Variants in LRP11 observed in about 807,000 individuals in gnomAD.
LRP11 encodes LDL receptor related protein 11.
Under a neutral mutation model 43.1 loss-of-function variants are expected in LRP11, and 25 were observed. The ratio of observed to expected loss-of-function variants is 0.58; its 90% CI spans 0.42 to 0.81. LRP11 has a LOEUF of 0.81. Among genes scored for constraint, LRP11 ranks in the 30% least tolerant of loss-of-function variants. The pLI, the probability that LRP11 is intolerant of heterozygous loss-of-function variation, is 0.00. For missense variants in LRP11, 623 were observed against 665.1 expected (o/e 0.94, Z 0.70); for synonymous variants, 316 against 299.4 (o/e 1.06, Z -0.57).
Position 149,864,199 on chromosome 6 carries a change from G to A in LRP11, c.-179C>T. 1 of 1,120,890 alleles carries A rather than the reference G, an allele frequency of 8.9e-7. No individual in the cohort carries two copies. The highest frequency in any genetic ancestry group is 1.1e-6 in the Non-Finnish European group (1 of 918,380). The allele number at this position is 1,120,890 out of a possible 1,614,324, so 69.4% of individuals were successfully genotyped here. A position where few individuals can be genotyped will look rare whatever the true frequency, so the allele number is the denominator to read the frequency against. On this transcript the variant is annotated 5_prime_UTR_variant, in exon 1 of 7. Transcript: ENST00000239367. ...CCCCCGAGGTCGCGGGCGCCGGCGG[G>A]AACCGCAGTAGCGGGAGACATAGCC...
chr6:149,823,333 AGG>A (rs1371666927), intron 6 of LRP11, among the ~76,000 whole-genome samples: 2 of 152,218 alleles, frequency 1.3e-5, no homozygotes, highest in Non-Finnish European at 2.9e-5. Context: ...GATCACAGTC[AGG>A]AGAATGAGCC....
At chr6:149,859,397 T>TATATA (rs1491456220) in intron 1 of LRP11, among the ~76,000 whole-genome samples, 14 of 72,992 alleles carry the variant, frequency 1.9e-4, no homozygotes, top group African/African-American at 6.5e-4. Context: ...TATATATATA[T>TATATA]TTTTTTTTTT....
At chr6:149,830,258 G>A (rs1000023965) in intron 5 of LRP11, among the ~76,000 whole-genome samples, 3 of 152,100 alleles carry the variant, frequency 2.0e-5, no homozygotes, top group African/African-American at 7.2e-5. Context: ...TGATCCACCC[G>A]CCGTGGCCTC....
At chr6:149,826,972 TA>T (rs1442613991) in intron 5 of LRP11, among the ~76,000 whole-genome samples, 1 of 120,414 alleles carries the variant, frequency 8.3e-6, no homozygotes, top group Non-Finnish European at 1.6e-5. Flanking sequence ...ATTATTTATT[TA>T]CTTTTTTTTT....
At chr6:149,820,830 A>G (rs564334652) in intron 6 of LRP11, 127 bp from the exon 7 acceptor site, 74 of 576,856 alleles carry the variant, frequency 1.3e-4, no homozygotes, top group Non-Finnish European at 5.9e-5. Context: ...TATTAGTATT[A>G]TCACTATTTT....
At chr6:149,842,916 G>A in intron 3 of LRP11, 67 bp downstream of exon 3, 3 of 1,584,928 alleles carry the variant, frequency 1.9e-6, no homozygotes, top group Admixed American at 1.7e-5. Flanking sequence ...AGAGCCAGAG[G>A]ACAAAGCGCC....
chr6:149,828,956 C>T (rs1776374192), intron 5 of LRP11, among the ~76,000 whole-genome samples: 1 of 152,032 alleles, frequency 6.6e-6, no homozygotes, highest in Admixed American at 6.6e-5. Context: ...ATGCCAGTTG[C>T]TCGTGGATCT....
At chr6:149,832,191 C>CTTTTTTT (rs5880854) in intron 5 of LRP11, among the ~76,000 whole-genome samples, 1,674 of 130,066 alleles carry the variant, frequency 0.013, 74 homozygotes, top group African/African-American at 0.047. Flanking sequence ...TGAGCTAAGT[C>CTTTTTTT]TTTTTTTTTT....
chr6:149,861,463 C>T (rs1776893086), intron 1 of LRP11, among the ~76,000 whole-genome samples: 1 of 152,152 alleles, frequency 6.6e-6, no homozygotes, highest in African/African-American at 2.4e-5. Flanking sequence ...GGAAGGGCAA[C>T]GAAGCAAGCA....
intron 1 of LRP11, among the ~76,000 whole-genome samples, chr6:149,860,856 T>TG (rs1289861783): frequency 2.0e-5 from 3 of 152,224 alleles, no homozygotes; most frequent in African/African-American, 7.2e-5. Context: ...CCATGCTGTG[T>TG]GACCCTTGGG....
chr6:149,840,488 G>T (rs1280259074), intron 3 of LRP11, among the ~76,000 whole-genome samples: 2 of 152,146 alleles, frequency 1.3e-5, no homozygotes, highest in Non-Finnish European at 2.9e-5. Flanking sequence ...GAAATTTACA[G>T]CTGGCAATTT....
chr6:149,857,449 G>A (rs1776816321), intron 1 of LRP11, among the ~76,000 whole-genome samples: 1 of 151,122 alleles, frequency 6.6e-6, no homozygotes, highest in Non-Finnish European at 1.5e-5. Flanking sequence ...AAGCTACGGT[G>A]AGCCAAGACT....
intron 3 of LRP11, among the ~76,000 whole-genome samples, chr6:149,838,722 C>T (rs1036613742): frequency 1.3e-5 from 2 of 151,940 alleles, no homozygotes. Context: ...GACATTTCTC[C>T]CTTCTGGAGT....
intron 1 of LRP11, among the ~76,000 whole-genome samples, chr6:149,858,108 T>C (rs758697986): frequency 1.2e-4 from 18 of 152,220 alleles, no homozygotes; most frequent in Non-Finnish European, 2.5e-4. Context: ...ACGTGCAGGT[T>C]TGTTACATAG....
chr6:149,833,789 G>A (rs369244099), intron 5 of LRP11, among the ~76,000 whole-genome samples: 66 of 152,278 alleles, frequency 4.3e-4, no homozygotes, highest in African/African-American at 1.4e-3. Flanking sequence ...AAAGCAAAAG[G>A]AGAGATCATA....
chr6:149,853,600 C>T (rs994742536), intron 1 of LRP11, among the ~76,000 whole-genome samples: 1 of 152,196 alleles, frequency 6.6e-6, no homozygotes, highest in African/African-American at 2.4e-5. Context: ...CTCTCCCTCC[C>T]GGGTTCAAGC....
chr6:149,859,781 A>G (rs558322004), intron 1 of LRP11, among the ~76,000 whole-genome samples: 65 of 152,262 alleles, frequency 4.3e-4, no homozygotes, highest in Middle Eastern at 3.4e-3. Context: ...AGTTTTTTAT[A>G]AATGTGCATA....
At position 149,863,742 on chromosome 6, in the gene LRP11, G is replaced by A; in HGVS notation, c.279C>T (p.Gly93=). The stretch of plus-strand genomic sequence containing the variant: ...CAGGCATTGCGCTGTAGCCGCCGCT[G>A]CCCGGGCCCGGGCAGTCCTCCTGGG... ...GGPQEDCPGP[G]SGGYSAMPDA... Residue 93 remains glycine, a synonymous_variant, in exon 1 of 7, where the codon GGC becomes GGT. Transcript: ENST00000239367. 1 of 1,477,358 alleles carries A rather than the reference G, an allele frequency of 6.8e-7. No homozygotes were observed. 91.5% of individuals were successfully genotyped at this position (1,477,358 alleles called of 1,614,324 possible).
chr6:149,838,073 A>C (rs913585899), intron 3 of LRP11, among the ~76,000 whole-genome samples: 52 of 151,714 alleles, frequency 3.4e-4, no homozygotes, highest in Admixed American at 2.9e-3. Flanking sequence ...ATGCACCACC[A>C]CACCCGGTTA....
Sources: allele counts gnomAD v4.1 joint callset (sites outside exome capture counted in the v4.1 genomes callset), GRCh38; gene constraint gnomAD v4.1.1; transcripts MANE v1.5; gene names NCBI Gene and HGNC (gene_info 2026-07-23, HGNC 2026-07-21).